Variants in CBLB observed in about 807,000 individuals in gnomAD.
The protein encoded by CBLB is E3 ubiquitin-protein ligase CBL-B.
A neutral mutation model predicts 104.9 loss-of-function variants in CBLB; 31 were observed. The observed-to-expected ratio is 0.30, with a 90% CI of 0.22 to 0.40. The LOEUF is 0.40. Ranked by LOEUF, CBLB falls within the 10% of genes least tolerant of loss-of-function variation. The probability of loss-of-function intolerance (pLI) is 1.00; values close to 1 mark genes in which losing one functional copy is unlikely to be tolerated. For synonymous variants in CBLB, 440 were observed against 422.6 expected (o/e 1.04, Z -0.51); for missense variants, 1,062 against 1,214.6 (o/e 0.87, Z 1.87).
chr3:105,786,979 A>G (rs2081102012), intron 3 of CBLB, among the ~76,000 whole-genome samples: 1 of 152,224 alleles, frequency 6.6e-6, no homozygotes, highest in Non-Finnish European at 1.5e-5. Context: ...TCAAGAGAAC[A>G]CTAATTTAGA....
At chr3:105,824,838 C>A (rs865958116) in intron 3 of CBLB, among the ~76,000 whole-genome samples, 3 of 152,042 alleles carry the variant, frequency 2.0e-5, no homozygotes, top group Admixed American at 6.6e-5. Flanking sequence ...GAGACCTCAT[C>A]ATTCCACCTT....
intron 3 of CBLB, among the ~76,000 whole-genome samples, chr3:105,802,739 A>AT (rs1214358796): frequency 6.6e-6 from 1 of 152,118 alleles, no homozygotes; most frequent in Non-Finnish European, 1.5e-5. Flanking sequence ...CAGCTCACAC[A>AT]TTTTATAGTC....
rs372817581 is a variant in CBLB, at chr3:105,730,265, G to A, written c.1203+3744C>T. Among the ~76,000 whole-genome samples the A allele has an allele frequency of 1.3e-3, 198 of 152,094 alleles. 9 individuals carry two copies. In the South Asian group the frequency reaches 0.039, roughly 30 times the overall value. ...GTGGAAAAAAATCACAATGTAAAATGTTAAGGAAATCACACAATAGCTAGT... is the reference window on the plus strand; with the variant it reads ...GTGGAAAAAAATCACAATGTAAAATATTAAGGAAATCACACAATAGCTAGT... On this transcript the variant is annotated intron_variant, in intron 9 of 18. Transcript: ENST00000394030.
intron 4 of CBLB, among the ~76,000 whole-genome samples, chr3:105,760,591 C>T (rs1279643963): frequency 1.3e-5 from 2 of 151,788 alleles, no homozygotes; most frequent in African/African-American, 2.4e-5. Flanking sequence ...ATGATCCTCC[C>T]TTTAGCAATG....
At chr3:105,673,538 A>G (rs1465900302) in intron 17 of CBLB, 1 of 152,168 alleles carries the variant, frequency 6.6e-6, no homozygotes, top group Non-Finnish European at 1.5e-5. Flanking sequence ...CCAAATTTTA[A>G]TAGAGTATAT....
chr3:105,860,765 G>T (rs1034116902), intron 2 of CBLB, among the ~76,000 whole-genome samples: 107 of 152,076 alleles, frequency 7.0e-4, no homozygotes, highest in Admixed American at 2.9e-3. Context: ...ATGATTTTTA[G>T]AAGCTCTTTT....
upstream of CBLB, chr3:105,869,432 GTCT>G: frequency 1.5e-6 from 2 of 1,323,088 alleles, no homozygotes; most frequent in Non-Finnish European, 2.0e-6. Flanking sequence ...TACCTTCCTA[GTCT>G]TTTGTTTCAT....
At chr3:105,736,162 C>T (rs1453125330) in intron 8 of CBLB, among the ~76,000 whole-genome samples, 1 of 152,070 alleles carries the variant, frequency 6.6e-6, no homozygotes, top group Non-Finnish European at 1.5e-5. Flanking sequence ...AAGGCGTGAA[C>T]ATATCTCAAA....
At chr3:105,714,738 G>C (rs1348493325) in intron 10 of CBLB, among the ~76,000 whole-genome samples, 1 of 152,124 alleles carries the variant, frequency 6.6e-6, no homozygotes, top group Non-Finnish European at 1.5e-5. Context: ...CCATGGCCTG[G>C]GGTTTGGGGA....
intron 13 of CBLB, 57 bp downstream of exon 13, chr3:105,693,436 AC>A (rs2067965385): frequency 1.0e-6 from 1 of 995,636 alleles, no homozygotes; most frequent in Admixed American, 2.4e-5. Context: ...ACCTCTCAAA[AC>A]CACTCTACCA....
intron 3 of CBLB, among the ~76,000 whole-genome samples, chr3:105,837,699 TAA>T (rs1228719978): frequency 7.2e-5 from 11 of 152,200 alleles, no homozygotes; most frequent in Non-Finnish European, 1.2e-4. Context: ...TACATACAGT[TAA>T]GAGTTGCTTT....
At chr3:105,684,553 C>A (rs1485584183) in intron 14 of CBLB, among the ~76,000 whole-genome samples, 1 of 89,840 alleles carries the variant, frequency 1.1e-5, no homozygotes, top group Non-Finnish European at 2.3e-5. Flanking sequence ...TTATTCCACA[C>A]ATTCTTTTTT....
rs2072473358 is a variant in CBLB, at chr3:105,719,657, AATG to A, written c.1407+387_1407+389del. ...TTGTGTACAGTACATAATATGTGAT[AATG>A]ATAATAAATGAATGTTACTGGTTTA... On this transcript the variant is annotated intron_variant, in intron 10 of 18. Transcript: ENST00000394030. Among the ~76,000 whole-genome samples the A allele has an allele frequency of 2.0e-5, 3 of 152,232 alleles. No individual in the cohort carries two copies. In the South Asian group the frequency reaches 6.2e-4, roughly 32 times the overall value.
At chr3:105,783,009 T>C (rs1368734991) in intron 3 of CBLB, among the ~76,000 whole-genome samples, 3 of 152,232 alleles carry the variant, frequency 2.0e-5, no homozygotes, top group Non-Finnish European at 2.9e-5. Flanking sequence ...AACTTACAAA[T>C]GCCTTACTTA....
At position 105,656,623 on chromosome 3, in the gene CBLB, CA is replaced by C. The variant is rs2063368614; in HGVS notation, c.*2346del. On this transcript the variant is annotated 3_prime_UTR_variant, in exon 19 of 19. Coordinates refer to ENST00000394030, the MANE Select transcript of CBLB (RefSeq NM_170662.5). The stretch of plus-strand genomic sequence containing the variant: ...GCAAAACAGATATCCCCCCACCCCC[CA>C]CCCCCAAATTTCAGGTCCAGGTTTG... 1 of 104,814 alleles carries C rather than the reference CA, an allele frequency of 9.5e-6. No individual in the cohort carries two copies. The highest frequency in any genetic ancestry group is 3.8e-5 in the African/African-American group (1 of 26,464). The allele number at this position is 104,814 out of a possible 1,614,324, so 6.5% of individuals were successfully genotyped here.
Position 105,740,484 on chromosome 3 carries a change from T to C in CBLB, c.983+10A>G. 1 of 1,613,958 alleles carries C rather than the reference T, an allele frequency of 6.2e-7. No individual in the cohort carries two copies. Among genetic ancestry groups the C allele is most frequent in the Non-Finnish European group, 8.5e-7 (1 of 1,179,824 alleles). On this transcript the variant is annotated intron_variant, in intron 7 of 18. Coordinates refer to ENST00000394030, the MANE Select transcript of CBLB (RefSeq NM_170662.5). ...TCATAAGCACTCCAACTTCCATTTC[T>C]CATACTTACAATCCTTCCCTGCTGC... is the stretch of plus-strand genomic sequence containing the variant.
chr3:105,817,591 G>T (rs2085247086), intron 3 of CBLB, among the ~76,000 whole-genome samples: 1 of 152,168 alleles, frequency 6.6e-6, no homozygotes, highest in African/African-American at 2.4e-5. Context: ...ATCGGGAGAT[G>T]CAACAGAGCC....
Position 105,740,561 on chromosome 3 carries a change from T to C in CBLB, c.916A>G (p.Ile306Val), listed in dbSNP as rs1252188199. The part of the protein sequence containing the change: ...AIGYVTGDGN[I>V]LQTIPHNKPL... ...TTGTTATGAGGTATGGTCTGTAAGA[T>C]ATTCCCATCCCCAGTCACATAGCCA... The change falls in exon 7 of 19, where the codon ATC (isoleucine) becomes GTC (valine). Residue 306 changes from isoleucine (I) to valine (V), a missense_variant. Transcript: ENST00000394030. The C allele has an allele frequency of 1.2e-6, 2 of 1,614,064 alleles. No individual in the cohort carries two copies.
At chr3:105,720,327 C>A (rs972071929) in intron 9 of CBLB, 77 bp from the exon 10 acceptor site, 7 of 1,376,142 alleles carry the variant, frequency 5.1e-6, no homozygotes, top group Non-Finnish European at 7.1e-6. Context: ...TGTTCTACAA[C>A]TATAAAAGTC....
Sources: allele counts gnomAD v4.1 joint callset (sites outside exome capture counted in the v4.1 genomes callset), GRCh38; gene constraint gnomAD v4.1.1; transcripts MANE v1.5; gene names NCBI Gene and HGNC (gene_info 2026-07-23, HGNC 2026-07-21).